ZFHX3: variants seen among roughly 807,000 people sequenced by gnomAD.
ZFHX3 encodes the protein zinc finger homeobox protein 3.
ZFHX3 carries 42 observed loss-of-function variants against 279.1 expected under a neutral mutation model. The observed-to-expected ratio is 0.15, with a 90% CI of 0.12 to 0.19. ZFHX3 has a LOEUF of 0.19. Among genes scored for constraint, ZFHX3 ranks in the 10% least tolerant of loss-of-function variants. ZFHX3 has a pLI of 1.00. For synonymous variants in ZFHX3, 2,293 were observed against 1,957.8 expected, an observed-to-expected ratio of 1.17 and a Z score of -4.52; for missense variants, 4,981 against 4,754.0, an observed-to-expected ratio of 1.05 and a Z score of -1.40.
chr16:73,645,964 A>T (rs2052614804), intron 2 of ZFHX3, among the ~76,000 whole-genome samples: 1 of 152,178 alleles, frequency 6.6e-6, no homozygotes, highest in South Asian at 2.1e-4. Flanking sequence ...TTAGTGTTGC[A>T]GATGTGAGGA....
At chr16:73,216,410 G>A (rs1319086534) in intron 5 of ZFHX3, among the ~76,000 whole-genome samples, 1 of 152,168 alleles carries the variant, frequency 6.6e-6, no homozygotes, top group Non-Finnish European at 1.5e-5. Context: ...TGGGTTTCCA[G>A]AGTCCACCAG....
chr16:73,605,321 C>T (rs563529122), intron 2 of ZFHX3, among the ~76,000 whole-genome samples: 11 of 152,256 alleles, frequency 7.2e-5, no homozygotes, highest in Non-Finnish European at 1.5e-4. Flanking sequence ...ACACGATAAG[C>T]ATTTTCCCTT....
intron 5 of ZFHX3, among the ~76,000 whole-genome samples, chr16:73,243,598 T>C (rs1423147182): frequency 6.6e-6 from 1 of 152,226 alleles, no homozygotes; most frequent in Non-Finnish European, 1.5e-5. Flanking sequence ...TGTAATATTC[T>C]CGTTGCTAGA....
intron 2 of ZFHX3, among the ~76,000 whole-genome samples, chr16:73,582,682 G>A (rs1597011193): frequency 1.3e-5 from 2 of 151,746 alleles, no homozygotes; most frequent in South Asian, 4.2e-4. Context: ...TTCACATGTT[G>A]GCCAGGCTAG....
intron 1 of ZFHX3, among the ~76,000 whole-genome samples, chr16:73,772,277 C>A (rs1818437): frequency 6.6e-6 from 1 of 152,062 alleles, no homozygotes; most frequent in East Asian, 1.9e-4. Flanking sequence ...TCCACATGGC[C>A]GGGGAGACCT....
chr16:73,490,519 C>T (rs1317960116), intron 2 of ZFHX3, among the ~76,000 whole-genome samples: 1 of 152,150 alleles, frequency 6.6e-6, no homozygotes, highest in Non-Finnish European at 1.5e-5. Flanking sequence ...TGACGCAACC[C>T]CATTTAACAA....
chr16:72,919,656 CCTGT>C (rs534093849), intron 3 of ZFHX3, among the ~76,000 whole-genome samples: 225 of 151,976 alleles, frequency 1.5e-3, no homozygotes, highest in Middle Eastern at 3.4e-3. Flanking sequence ...CTTGATATCT[CCTGT>C]CTATCTATCT....
At chr16:73,111,169 G>C (rs1018211422) in intron 7 of ZFHX3, among the ~76,000 whole-genome samples, 1 of 152,160 alleles carries the variant, frequency 6.6e-6, no homozygotes, top group African/African-American at 2.4e-5. Context: ...TCGATCTCCT[G>C]GCCTCAAGTG....
chr16:73,602,059 G>A (rs1319810980), intron 2 of ZFHX3, among the ~76,000 whole-genome samples: 1 of 152,100 alleles, frequency 6.6e-6, no homozygotes, highest in Non-Finnish European at 1.5e-5. Flanking sequence ...TTGAACCTGA[G>A]AAGCTGAGGC....
intron 1 of ZFHX3, among the ~76,000 whole-genome samples, chr16:73,002,877 T>C (rs1044668542): frequency 1.3e-5 from 2 of 152,206 alleles, no homozygotes; most frequent in South Asian, 4.1e-4. Flanking sequence ...CAAAAAGTAA[T>C]AGATATTCAC....
chr16:73,461,717 G>A (rs1366214252), intron 2 of ZFHX3, among the ~76,000 whole-genome samples: 1 of 152,096 alleles, frequency 6.6e-6, no homozygotes, highest in Admixed American at 6.6e-5. Flanking sequence ...CTATTTCTGG[G>A]TTTTCTATTC....
rs28589983 is a variant in ZFHX3 at position 73,811,544 on chromosome 16, A to G, written c.-1608+80107T>C. Among the ~76,000 whole-genome samples, 720 of 148,648 alleles carry G rather than the reference A, an allele frequency of 4.8e-3. 5 individuals carry two copies. The highest frequency in any genetic ancestry group is 0.016 in the African/African-American group (661 of 40,096). Reference sequence around the variant, plus strand: ...ACTGTAACCTCTGCCTCCCAGGTTCAAGCGATTCTCCTGCCTCAGCCTCTG... The same window carrying G: ...ACTGTAACCTCTGCCTCCCAGGTTCGAGCGATTCTCCTGCCTCAGCCTCTG... On this transcript the variant is annotated intron_variant, in intron 1 of 17. Coordinates refer to the ZFHX3 transcript ENST00000641206.
At chr16:72,788,943 A>C in intron 9 of ZFHX3, 95 bp from the exon 10 acceptor site, 2 of 1,479,996 alleles carry the variant, frequency 1.4e-6, no homozygotes, top group Non-Finnish European at 1.8e-6. Flanking sequence ...ACACAGTTTG[A>C]GATGTCAAGG....
At chr16:73,789,677 T>A (rs1269303006) in intron 1 of ZFHX3, among the ~76,000 whole-genome samples, 1 of 152,186 alleles carries the variant, frequency 6.6e-6, no homozygotes, top group Non-Finnish European at 1.5e-5. Flanking sequence ...GGGGCAGATA[T>A]GTAATAAATA....
intron 5 of ZFHX3, among the ~76,000 whole-genome samples, chr16:73,180,851 C>T (rs1341569106): frequency 1.3e-5 from 2 of 151,778 alleles, no homozygotes; most frequent in African/African-American, 4.8e-5. Flanking sequence ...CTAGTTGAGA[C>T]AGGGTTTCAC....
At position 72,828,936 on chromosome 16, in the gene ZFHX3, C is replaced by T. The variant is rs558181385; in HGVS notation, c.3529+843G>A. ...GAACTCCTGAGCTTAAGCAATCTGC[C>T]GACCTCAGCCTCCCAAAGTGCTGGG... is the stretch of plus-strand genomic sequence containing the variant. On this transcript the variant is annotated intron_variant, in intron 5 of 9. Transcript: ENST00000268489. 3.9e-5 allele frequency among the ~76,000 whole-genome samples: 6 copies of T among 152,008 alleles called. No homozygotes were observed. The East Asian group carries it at 5.8e-4, about 15-fold the overall frequency.
At chr16:73,022,712 T>C (rs1359183167) in intron 1 of ZFHX3, among the ~76,000 whole-genome samples, 1 of 151,964 alleles carries the variant, frequency 6.6e-6, no homozygotes, top group Non-Finnish European at 1.5e-5. Flanking sequence ...GTAACACAAA[T>C]GAGCGAAGTT....
chr16:72,880,050 G>A (rs1011929974), intron 4 of ZFHX3, among the ~76,000 whole-genome samples: 6 of 152,184 alleles, frequency 3.9e-5, no homozygotes, highest in African/African-American at 1.4e-4. Flanking sequence ...CGAGGTCGCA[G>A]TAGTTAATCC....
intron 5 of ZFHX3, among the ~76,000 whole-genome samples, chr16:73,207,392 G>T (rs1386993081): frequency 2.0e-5 from 3 of 152,284 alleles, no homozygotes; most frequent in African/African-American, 7.2e-5. Flanking sequence ...ACCAATGTAG[G>T]ATATAATGAG....
Sources: allele counts gnomAD v4.1 joint callset (sites outside exome capture counted in the v4.1 genomes callset), GRCh38; gene constraint gnomAD v4.1.1; transcripts MANE v1.5; gene names NCBI Gene and HGNC (gene_info 2026-07-23, HGNC 2026-07-21).